The following C9orf43 variants were observed in gnomAD, a reference collection of about 807,000 sequenced individuals.
The protein encoded by C9orf43 is chromosome 9 open reading frame 43.
A neutral mutation model predicts 59.1 loss-of-function variants in C9orf43; 45 were observed. The observed-to-expected ratio is 0.76, with a 90% CI of 0.60 to 0.98. The LOEUF is 0.98. Ranked by LOEUF, C9orf43 falls within the 50% of genes least tolerant of loss-of-function variation. C9orf43 has a pLI of 0.00. For synonymous variants in C9orf43, 203 were observed against 196.8 expected, an observed-to-expected ratio of 1.03 and a Z score of -0.26; for missense variants, 533 against 554.9, an observed-to-expected ratio of 0.96 and a Z score of 0.40.
At chr9:113,414,722 A>G (rs1327555812) in intron 3 of C9orf43, among the ~76,000 whole-genome samples, 1 of 152,116 alleles carries the variant, frequency 6.6e-6, no homozygotes, top group Non-Finnish European at 1.5e-5. Context: ...AAAAAACCAT[A>G]TCTCCAAATA....
At chr9:113,423,253 G>T in intron 6 of C9orf43, 73 bp from the exon 7 acceptor site, 2 of 1,472,794 alleles carry the variant, frequency 1.4e-6, no homozygotes, top group Non-Finnish European at 1.9e-6. Flanking sequence ...GTGTTGAGAG[G>T]CTAGAATGTT....
chr9:113,428,021 C>G lies in C9orf43; in HGVS notation c.1031-126C>G. The G allele has an allele frequency of 3.6e-6, 3 of 835,752 alleles. No individual in the cohort carries two copies. In the South Asian group the frequency reaches 4.5e-5, roughly 12 times the overall value. 51.8% of individuals were successfully genotyped at this position (835,752 alleles called of 1,614,324 possible). Reference sequence around the variant, plus strand: ...CTCAGAAGGTCTAACTACCTTTTACCTGCCATCAAGGTCTTGTCTTTTCCT... The same window carrying G: ...CTCAGAAGGTCTAACTACCTTTTACGTGCCATCAAGGTCTTGTCTTTTCCT... On this transcript the variant is annotated intron_variant, in intron 11 of 13. Transcript: ENST00000374165.
chr9:113,426,881 A>G (rs1044806301), intron 11 of C9orf43, among the ~76,000 whole-genome samples: 7 of 152,170 alleles, frequency 4.6e-5, no homozygotes, highest in African/African-American at 1.7e-4. Context: ...GGCTTTATGG[A>G]AGAGATGATT....
At chr9:113,420,885 G>A (rs1828536228) in intron 4 of C9orf43, 1 of 612,220 alleles carries the variant, frequency 1.6e-6, no homozygotes, top group Non-Finnish European at 2.0e-6. Flanking sequence ...GGGAAGCAGG[G>A]GAGATTATCT....
intron 11 of C9orf43, among the ~76,000 whole-genome samples, 174 bp from the exon 12 acceptor site, chr9:113,427,973 G>C (rs1182723251): frequency 4.6e-5 from 7 of 152,164 alleles, no homozygotes; most frequent in African/African-American, 1.7e-4. Flanking sequence ...TACAGTCCCA[G>C]GTGAGCAGAA....
In C9orf43 at chr9:113,421,987, C is replaced by T. The variant is rs150447173; in HGVS notation, c.447-562C>T. ...CAGGGCTCCTTCTAGCTTTTTGGGC[C>T]GTCATCCTTAGCCCATGGATTCCAA... On this transcript the variant is annotated intron_variant, in intron 5 of 13. Coordinates refer to ENST00000374165, the MANE Select transcript of C9orf43 (RefSeq NM_001278629.2). Among the ~76,000 whole-genome samples, 5 of 152,220 alleles carry T rather than the reference C, an allele frequency of 3.3e-5. No individual in the cohort carries two copies. In the East Asian group the frequency reaches 9.7e-4, roughly 29 times the overall value.
At chr9:113,424,787 A>G (rs1238876439) in intron 8 of C9orf43, among the ~76,000 whole-genome samples, 1 of 151,988 alleles carries the variant, frequency 6.6e-6, no homozygotes, top group African/African-American at 2.4e-5. Context: ...CAGCCTCCCA[A>G]AGTGCTGGGA....
intron 8 of C9orf43, 43 bp from the exon 9 acceptor site, chr9:113,424,976 A>G: frequency 2.6e-6 from 4 of 1,552,022 alleles, no homozygotes; most frequent in Non-Finnish European, 3.5e-6. Flanking sequence ...AGAAAGGGAA[A>G]GACCTGCAGT....
chr9:113,424,033 G>C, intron 7 of C9orf43, 133 bp from the exon 8 acceptor site: 1 of 922,408 alleles, frequency 1.1e-6, no homozygotes. Flanking sequence ...GTTACCAAAT[G>C]AACACTTGTT....
rs548386317 is a variant in C9orf43 at position 113,413,624 on chromosome 9, A to C, written c.131A>C (p.Lys44Thr). 1.2e-6 allele frequency: 2 copies of C among 1,614,184 alleles called. No homozygotes were observed. The highest frequency in any genetic ancestry group is 4.5e-5 in the East Asian group (2 of 44,888). ...CCTCGAATCCTCGGCTCATCCTGCA[A>C]AACTCCCCTGGATGCTGAAGGTGAA... ...GHPRILGSSC[K>T]TPLDAEDKLP... Residue 44 changes from lysine to threonine, a missense_variant, in exon 2 of 14, where the codon AAA becomes ACA. By Grantham distance (78) the Lys-to-Thr change is moderately conservative (BLOSUM62 -1). Transcript: ENST00000374165.
chr9:113,425,118 T>C (rs1828739451), intron 9 of C9orf43, 42 bp downstream of exon 9: 2 of 1,584,712 alleles, frequency 1.3e-6, no homozygotes, highest in Admixed American at 1.7e-5. Context: ...CACCATTTTC[T>C]GTTAGCCCAC....
intron 3 of C9orf43, 64 bp downstream of exon 3, chr9:113,413,958 T>C: frequency 1.3e-6 from 2 of 1,519,734 alleles, no homozygotes; most frequent in East Asian, 2.3e-5. Context: ...ATGATTTTCC[T>C]TATCCATTAG....
intron 4 of C9orf43, 146 bp from the exon 5 acceptor site, chr9:113,420,957 T>A: frequency 1.2e-6 from 1 of 838,700 alleles, no homozygotes; most frequent in Non-Finnish European, 1.8e-6. Flanking sequence ...GTCTGTTTTT[T>A]TTGGGAGAAT....
In C9orf43 at chr9:113,429,400, G is replaced by C. The variant is rs1415372563; in HGVS notation, c.*14G>C. ...GGGGCAGAGTGAGAAGCCTCTGGAGGAATAGACTGAAGGCATCCCCTGGGG... is the reference window on the plus strand; with the variant it reads ...GGGGCAGAGTGAGAAGCCTCTGGAGCAATAGACTGAAGGCATCCCCTGGGG... On this transcript the variant is annotated 3_prime_UTR_variant, in exon 14 of 14. Coordinates refer to ENST00000374165, the MANE Select transcript of C9orf43 (RefSeq NM_001278629.2). The C allele has an allele frequency of 1.2e-6, 2 of 1,610,892 alleles. No homozygotes were observed. The highest frequency in any genetic ancestry group is 1.7e-6 in the Non-Finnish European group (2 of 1,177,850).
At chr9:113,425,264 G>T (rs1828744054) in intron 9 of C9orf43, 80 bp from the exon 10 acceptor site, 3 of 1,591,868 alleles carry the variant, frequency 1.9e-6, no homozygotes, top group Non-Finnish European at 2.6e-6. Context: ...AGTCACCATT[G>T]TGAAGGAAGG....
intron 11 of C9orf43, among the ~76,000 whole-genome samples, chr9:113,426,556 A>T (rs1828799635): frequency 6.6e-6 from 1 of 152,186 alleles, no homozygotes; most frequent in Admixed American, 6.5e-5. Flanking sequence ...CCTGAGAAGG[A>T]TGTTGCCCTC....
intron 9 of C9orf43, 94 bp from the exon 10 acceptor site, chr9:113,425,250 A>G (rs1202771867): frequency 1.9e-6 from 3 of 1,576,990 alleles, no homozygotes; most frequent in African/African-American, 1.3e-5. Flanking sequence ...GGTCCTTACC[A>G]GGGAGTCACC....
chr9:113,421,333 G>A (rs959800863), intron 5 of C9orf43, 130 bp downstream of exon 5: 5 of 645,144 alleles, frequency 7.8e-6, no homozygotes, highest in African/African-American at 1.8e-5. Context: ...AGAGAAGGTC[G>A]TGGTCTGTTG....
chr9:113,421,898 C>T (rs546742996), intron 5 of C9orf43, among the ~76,000 whole-genome samples: 2 of 151,928 alleles, frequency 1.3e-5, no homozygotes, highest in African/African-American at 2.4e-5. Flanking sequence ...TATTTCCTTT[C>T]GTGTGAAAGA....
Sources: gnomAD v4.1 joint callset for allele counts (sites outside exome capture counted in the v4.1 genomes callset) on GRCh38, gnomAD v4.1.1 for gene constraint, MANE v1.5 for transcripts, NCBI Gene and HGNC (gene_info 2026-07-23, HGNC 2026-07-21) for gene names.